The following STPG2 variants were observed in gnomAD, a reference collection of about 807,000 sequenced individuals.
STPG2 encodes sperm tail PG-rich repeat containing 2, also known as sperm-tail PG-rich repeat-containing protein 2.
A neutral mutation model predicts 54.2 loss-of-function variants in STPG2; 56 were observed. That is an observed-to-expected ratio of 1.03 (90% CI 0.83 to 1.29). STPG2 has a LOEUF of 1.29. STPG2 is among the 50% of genes most tolerant of loss of function. The pLI is 0.00. For missense variants in STPG2, 596 were observed against 544.9 expected (o/e 1.09, Z -0.93); for synonymous variants, 200 against 181.8 (o/e 1.10, Z -0.81).
At chr4:97,988,098 A>C (rs546379368) in intron 5 of STPG2, among the ~76,000 whole-genome samples, 1 of 148,578 alleles carries the variant, frequency 6.7e-6, no homozygotes, top group South Asian at 2.1e-4. Context: ...TCCTACTACC[A>C]TCTCCCCTCA....
chr4:98,009,837 G>T (rs1735688615), intron 5 of STPG2, among the ~76,000 whole-genome samples: 1 of 151,758 alleles, frequency 6.6e-6, no homozygotes, highest in South Asian at 2.1e-4. Context: ...TTCAATCTCA[G>T]GGTTGTATGT....
At chr4:97,850,397 ACTT>A (rs527918741) in intron 8 of STPG2, among the ~76,000 whole-genome samples, 101 of 151,748 alleles carry the variant, frequency 6.7e-4, no homozygotes, top group African/African-American at 2.3e-3. Flanking sequence ...CTTAATGTAT[ACTT>A]CTTATGATGT....
At chr4:97,899,112 A>G (rs1251402387) in intron 8 of STPG2, among the ~76,000 whole-genome samples, 1 of 151,882 alleles carries the variant, frequency 6.6e-6, no homozygotes, top group African/African-American at 2.4e-5. Flanking sequence ...CTAATAAACA[A>G]CTACACCAAA....
At chr4:97,575,210 A>G (rs1267548281) in intron 10 of STPG2, among the ~76,000 whole-genome samples, 2 of 152,084 alleles carry the variant, frequency 1.3e-5, no homozygotes, top group African/African-American at 2.4e-5. Flanking sequence ...TCCCAGACAT[A>G]CAAAGAAGAA....
chr4:97,579,542 G>C (rs914786584), intron 10 of STPG2, among the ~76,000 whole-genome samples: 1 of 151,966 alleles, frequency 6.6e-6, no homozygotes. Context: ...TAATCACAAA[G>C]TTAAGAATGG....
At chr4:97,632,950 A>G (rs1204813665) in intron 10 of STPG2, among the ~76,000 whole-genome samples, 2 of 152,166 alleles carry the variant, frequency 1.3e-5, no homozygotes, top group Non-Finnish European at 2.9e-5. Flanking sequence ...TATATTTAGA[A>G]GGGGGATGGA....
intron 2 of STPG2, among the ~76,000 whole-genome samples, chr4:98,132,781 T>C (rs552103830): frequency 2.6e-5 from 4 of 152,092 alleles, no homozygotes; most frequent in South Asian, 4.1e-4. Context: ...ATAGCAATTA[T>C]AGTTGTCAGT....
At chr4:97,842,416 A>T (rs1195811300) in intron 8 of STPG2, among the ~76,000 whole-genome samples, 1 of 151,894 alleles carries the variant, frequency 6.6e-6, no homozygotes, top group African/African-American at 2.4e-5. Flanking sequence ...AAGAAACCGG[A>T]AGAGATTATA....
chr4:98,014,793 T>A (rs1735879280), intron 5 of STPG2, among the ~76,000 whole-genome samples: 1 of 152,188 alleles, frequency 6.6e-6, no homozygotes, highest in Non-Finnish European at 1.5e-5. Context: ...AAGTCAGGTA[T>A]AGTGGTGATG....
chr4:97,554,262 G>C (rs1732030461), downstream of STPG2, among the ~76,000 whole-genome samples: 1 of 152,248 alleles, frequency 6.6e-6, no homozygotes, highest in Non-Finnish European at 1.5e-5. Flanking sequence ...GCATCTACCA[G>C]TACAAATCAT....
At chr4:97,873,576 T>TA (rs1344244154) in intron 8 of STPG2, among the ~76,000 whole-genome samples, 1 of 147,856 alleles carries the variant, frequency 6.8e-6, no homozygotes, top group African/African-American at 2.4e-5. Flanking sequence ...TGTACAATCC[T>TA]AAAAAATATC....
intron 8 of STPG2, among the ~76,000 whole-genome samples, chr4:97,869,654 T>C (rs114388800): frequency 3.3e-5 from 5 of 151,788 alleles, no homozygotes; most frequent in Non-Finnish European, 5.9e-5. Context: ...GCCAAGCTAC[T>C]ATAGTCAACC....
At chr4:98,031,028 C>G (rs1736578648) in intron 5 of STPG2, among the ~76,000 whole-genome samples, 2 of 152,050 alleles carry the variant, frequency 1.3e-5, no homozygotes, top group Non-Finnish European at 2.9e-5. Flanking sequence ...GCCAGAGTCA[C>G]CAAAACAGCA....
intron 9 of STPG2, among the ~76,000 whole-genome samples, chr4:97,731,997 A>C (rs1367320419): frequency 6.6e-6 from 1 of 152,178 alleles, no homozygotes; most frequent in Non-Finnish European, 1.5e-5. Context: ...TTATAGGGGC[A>C]GCCAGGCAGG....
chr4:97,950,217 T>C (rs1344186092), intron 7 of STPG2, among the ~76,000 whole-genome samples: 1 of 152,122 alleles, frequency 6.6e-6, no homozygotes, highest in Non-Finnish European at 1.5e-5. Context: ...TACTTTCTCT[T>C]ATTCCTCAAA....
intron 4 of STPG2, among the ~76,000 whole-genome samples, chr4:97,491,530 A>G (rs1730503378): frequency 6.6e-6 from 1 of 151,522 alleles, no homozygotes; most frequent in Non-Finnish European, 1.5e-5. Flanking sequence ...ATGGCCTCTC[A>G]GAGGAGATAA....
chr4:98,030,687 C>T (rs896122114), intron 5 of STPG2, among the ~76,000 whole-genome samples: 1 of 152,098 alleles, frequency 6.6e-6, no homozygotes, highest in African/African-American at 2.4e-5. Context: ...AAAAAATAGT[C>T]ACATAGACCA....
intron 5 of STPG2, among the ~76,000 whole-genome samples, chr4:98,087,062 A>G (rs1260977752): frequency 1.3e-5 from 2 of 152,218 alleles, no homozygotes; most frequent in African/African-American, 4.8e-5. Context: ...AATAACTTTC[A>G]GAAATCCTTG....
chr4:97,633,551 C>G (rs529207141), intron 10 of STPG2: 1 of 152,398 alleles, frequency 6.6e-6, no homozygotes, highest in Non-Finnish European at 1.5e-5. Context: ...ACGCAGAAGA[C>G]GGGTGATTTC....
Sources: gnomAD v4.1 joint callset for allele counts (sites outside exome capture counted in the v4.1 genomes callset) on GRCh38, gnomAD v4.1.1 for gene constraint, MANE v1.5 for transcripts, NCBI Gene and HGNC (gene_info 2026-07-23, HGNC 2026-07-21) for gene names.